SUN5: variants seen among roughly 807,000 people sequenced by gnomAD.
SUN5 encodes the protein SUN domain-containing protein 5.
A neutral mutation model predicts 53.7 loss-of-function variants in SUN5; 44 were observed. That is an observed-to-expected ratio of 0.82 (90% CI 0.64 to 1.05). The LOEUF is 1.05. SUN5 is among the 50% of genes least tolerant of loss of function. The pLI, the probability that SUN5 is intolerant of heterozygous loss-of-function variation, is 0.00. For synonymous variants in SUN5, 166 were observed against 179.8 expected (o/e 0.92, Z 0.62); for missense variants, 433 against 483.8 (o/e 0.90, Z 0.98).
intron 4 of SUN5, among the ~76,000 whole-genome samples, chr20:33,000,417 A>G (rs573502127): frequency 1.3e-5 from 2 of 152,316 alleles, no homozygotes; most frequent in South Asian, 2.1e-4. Context: ...CTCAGAATAG[A>G]TGTTAAGAAA....
chr20:32,986,341 G>A (rs1568962368), intron 10 of SUN5, among the ~76,000 whole-genome samples: 1 of 152,216 alleles, frequency 6.6e-6, no homozygotes, highest in Non-Finnish European at 1.5e-5. Context: ...AGAGCTGGAA[G>A]TGCAGCCCAG....
chr20:32,995,502 G>T, intron 8 of SUN5, 117 bp downstream of exon 8: 1 of 782,644 alleles, frequency 1.3e-6, no homozygotes. Flanking sequence ...AAAGTCACTG[G>T]GGGATGTGCT....
intron 3 of SUN5, among the ~76,000 whole-genome samples, chr20:33,001,511 C>CTT (rs1175428747): frequency 1.2e-4 from 5 of 42,178 alleles, no homozygotes; most frequent in South Asian, 5.1e-4. Flanking sequence ...CAGACATTTT[C>CTT]TTTCTTTCTT....
chr20:32,985,462 G>A (rs548246290), intron 11 of SUN5, among the ~76,000 whole-genome samples: 6 of 152,040 alleles, frequency 3.9e-5, no homozygotes, highest in Admixed American at 1.3e-4. Context: ...TTCAGATAAC[G>A]CTTCGGACCT....
At chr20:32,999,262 A>G (rs370017994) in intron 5 of SUN5, among the ~76,000 whole-genome samples, 18 of 152,304 alleles carry the variant, frequency 1.2e-4, no homozygotes, top group African/African-American at 4.3e-4. Context: ...TAACCTGAAA[A>G]CAAAATTAAG....
intron 1 of SUN5, among the ~76,000 whole-genome samples, chr20:33,003,653 T>A (rs889046916): frequency 6.6e-6 from 1 of 152,222 alleles, no homozygotes; most frequent in African/African-American, 2.4e-5. Flanking sequence ...TTATATTGGT[T>A]TATTAATAAA....
At chr20:33,003,009 C>T in intron 1 of SUN5, 90 bp from the exon 2 acceptor site, 1 of 1,470,092 alleles carries the variant, frequency 6.8e-7, no homozygotes, top group East Asian at 2.3e-5. Flanking sequence ...GATTGGGAAA[C>T]TGAGGTACAG....
intron 8 of SUN5, 116 bp downstream of exon 8, chr20:32,995,503 G>T (rs1479755606): frequency 2.5e-6 from 2 of 793,994 alleles, no homozygotes; most frequent in South Asian, 1.7e-5. Context: ...AAGTCACTGG[G>T]GGATGTGCTC....
intron 7 of SUN5, 108 bp downstream of exon 7, chr20:32,996,216 C>A: frequency 8.7e-7 from 1 of 1,144,880 alleles, no homozygotes; most frequent in Non-Finnish European, 1.3e-6. Flanking sequence ...GATTTAAACC[C>A]AGGTTGATCT....
intron 5 of SUN5, chr20:32,999,760 T>A: frequency 1.5e-5 from 10 of 670,368 alleles, no homozygotes; most frequent in East Asian, 3.1e-5. Flanking sequence ...AGGAGATTCC[T>A]TTGCTTGGGA....
At chr20:33,000,226 A>T in intron 4 of SUN5, 91 bp from the exon 5 acceptor site, 1 of 1,442,770 alleles carries the variant, frequency 6.9e-7, no homozygotes, top group Non-Finnish European at 9.3e-7. Flanking sequence ...CTCCGTAGGC[A>T]TGCTGTTTGC....
intron 5 of SUN5, among the ~76,000 whole-genome samples, chr20:32,999,099 T>C (rs1330300701): frequency 6.6e-6 from 1 of 152,128 alleles, no homozygotes; most frequent in East Asian, 1.9e-4. Flanking sequence ...ACTACCACTA[T>C]TTGCAAATGA....
rs1381912897 is a variant in SUN5, at chr20:32,990,258, G to A, written c.535-560C>T. Reference sequence around the variant, plus strand: ...TCACCCAGCTGGTATGAGGCAGAGCGATCACTGTGGTTCCAGAGTTCAGGC... The same window carrying A: ...TCACCCAGCTGGTATGAGGCAGAGCAATCACTGTGGTTCCAGAGTTCAGGC... On this transcript the variant is annotated intron_variant, in intron 8 of 12. Coordinates refer to ENST00000356173, the MANE Select transcript of SUN5 (RefSeq NM_080675.4). Among the ~76,000 whole-genome samples, 3 of 152,200 alleles carry A rather than the reference G, an allele frequency of 2.0e-5. No individual in the cohort carries two copies. In the East Asian group the frequency reaches 5.8e-4, roughly 29 times the overall value.
At position 33,001,519 on chromosome 20, in the gene SUN5, C is replaced by CTTCTTTCTTTCTTTCTTTCTTTCTTTCT. The variant is rs112468655; in HGVS notation, c.212-269_212-242dup. ...CAGTTAACAGACATTTTCTTTCTTT[C>CTTCTTTCTTTCTTTCTTTCTTTCTTTCT]TTCTTTCTTTCTTTCTTTCTTTCTT... On this transcript the variant is annotated intron_variant, in intron 3 of 12. Transcript: ENST00000356173. Among the ~76,000 whole-genome samples, 77 of 121,394 alleles carry CTTCTTTCTTTCTTTCTTTCTTTCTTTCT rather than the reference C, an allele frequency of 6.3e-4. 4 individuals are homozygous for CTTCTTTCTTTCTTTCTTTCTTTCTTTCT. The highest frequency in any genetic ancestry group is 2.8e-3 in the South Asian group (11 of 3,922). The allele number at this position is 121,394 out of a possible 152,430, so 79.6% of individuals were successfully genotyped here.
chr20:32,992,917 G>A (rs1989746130), intron 8 of SUN5, among the ~76,000 whole-genome samples: 1 of 152,200 alleles, frequency 6.6e-6, no homozygotes, highest in African/African-American at 2.4e-5. Flanking sequence ...TTGCTGGTGA[G>A]AATGTGGGAC....
intron 8 of SUN5, among the ~76,000 whole-genome samples, chr20:32,994,461 T>C (rs1989787677): frequency 6.6e-6 from 1 of 152,144 alleles, no homozygotes; most frequent in Admixed American, 6.5e-5. Context: ...CAAGGATTTT[T>C]AAAATAACTG....
intron 4 of SUN5, among the ~76,000 whole-genome samples, 183 bp downstream of exon 4, chr20:33,001,029 G>A (rs1168805406): frequency 1.3e-5 from 2 of 152,132 alleles, no homozygotes; most frequent in Non-Finnish European, 2.9e-5. Flanking sequence ...TGCAGGCTGA[G>A]GGGCTGGAGC....
intron 8 of SUN5, 57 bp from the exon 9 acceptor site, chr20:32,989,755 C>T (rs1015045072): frequency 6.9e-7 from 1 of 1,453,088 alleles, no homozygotes; most frequent in Non-Finnish European, 9.6e-7. Context: ...ACTGTGATCC[C>T]CACGTGTCCA....
At chr20:32,986,591 G>T (rs1210315533) in intron 10 of SUN5, among the ~76,000 whole-genome samples, 2 of 152,192 alleles carry the variant, frequency 1.3e-5, no homozygotes, top group Non-Finnish European at 2.9e-5. Context: ...GGGGCCAGGG[G>T]AGATGAGGAG....
Sources: gnomAD v4.1 joint callset for allele counts (sites outside exome capture counted in the v4.1 genomes callset) on GRCh38, gnomAD v4.1.1 for gene constraint, MANE v1.5 for transcripts, NCBI Gene and HGNC (gene_info 2026-07-23, HGNC 2026-07-21) for gene names.